The following MTHFD2L variants were observed in gnomAD, a reference collection of about 807,000 sequenced individuals.
The protein encoded by MTHFD2L is methylenetetrahydrofolate dehydrogenase (NADP+ dependent) 2 like, also known as bifunctional methylenetetrahydrofolate dehydrogenase/cyclohydrolase 2, mitochondrial.
In MTHFD2L, 29 loss-of-function variants were observed where a neutral mutation model predicts 34.9. The observed-to-expected ratio is 0.83, with a 90% CI of 0.62 to 1.13. The LOEUF is 1.13. Ranked by LOEUF, MTHFD2L falls within the 50% of genes most tolerant of loss-of-function variation. The probability of loss-of-function intolerance (pLI) is 0.00; values close to 1 mark genes in which losing one functional copy is unlikely to be tolerated. For synonymous variants in MTHFD2L, 167 were observed against 155.7 expected, an observed-to-expected ratio of 1.07 and a Z score of -0.54; for missense variants, 481 against 446.5, an observed-to-expected ratio of 1.08 and a Z score of -0.70.
intron 5 of MTHFD2L, among the ~76,000 whole-genome samples, chr4:74,202,324 C>T (rs1734581952): frequency 6.6e-6 from 1 of 152,154 alleles, no homozygotes; most frequent in Non-Finnish European, 1.5e-5. Flanking sequence ...TCTCCACATT[C>T]CTTTATTTCT....
At chr4:74,152,175 T>G (rs967918244) in intron 1 of MTHFD2L, among the ~76,000 whole-genome samples, 1 of 152,070 alleles carries the variant, frequency 6.6e-6, no homozygotes, top group Non-Finnish European at 1.5e-5. Flanking sequence ...AGTTTTCTTT[T>G]TTTGTATTCT....
chr4:74,116,419 T>C (rs745921907), intron 2 of MTHFD2L, among the ~76,000 whole-genome samples: 5 of 152,030 alleles, frequency 3.3e-5, no homozygotes, highest in Non-Finnish European at 5.9e-5. Flanking sequence ...AGGAGAACTG[T>C]AAAGAAATAA....
chr4:74,145,919 C>A (rs1471890963), intron 1 of MTHFD2L, among the ~76,000 whole-genome samples: 1 of 152,166 alleles, frequency 6.6e-6, no homozygotes, highest in Non-Finnish European at 1.5e-5. Flanking sequence ...GAAGTCGAAG[C>A]TGCTATGCTC....
intron 6 of MTHFD2L, among the ~76,000 whole-genome samples, chr4:74,243,900 G>A (rs992303798): frequency 2.0e-5 from 3 of 152,128 alleles, no homozygotes; most frequent in Non-Finnish European, 2.9e-5. Flanking sequence ...AAACACTGTT[G>A]TTTTTATGCT....
intron 7 of MTHFD2L, among the ~76,000 whole-genome samples, chr4:74,288,967 A>G (rs1273127874): frequency 6.6e-6 from 1 of 151,990 alleles, no homozygotes; most frequent in Admixed American, 6.6e-5. Context: ...TCTCTTGATT[A>G]TTACTGTTTT....
At chr4:74,248,548 T>C in intron 6 of MTHFD2L, among the ~76,000 whole-genome samples, 1 of 148,178 alleles carries the variant, frequency 6.7e-6, no homozygotes, top group East Asian at 2.0e-4. Context: ...GCTCTTGCTT[T>C]TCTAGTTCTT....
intron 3 of MTHFD2L, among the ~76,000 whole-genome samples, chr4:74,180,343 TAAAC>T (rs1470716266): frequency 6.6e-6 from 1 of 152,052 alleles, no homozygotes; most frequent in Admixed American, 6.6e-5. Context: ...ATGAACAAAT[TAAAC>T]AATAAGCAAA....
intron 3 of MTHFD2L, among the ~76,000 whole-genome samples, chr4:74,185,106 T>G (rs1730911386): frequency 8.2e-6 from 1 of 122,178 alleles, no homozygotes; most frequent in Admixed American, 1.1e-4. Context: ...GAGCCGAGAT[T>G]AAGCCACTGC....
At chr4:74,155,726 T>C (rs1437155949), upstream of MTHFD2L, among the ~76,000 whole-genome samples, 1 of 152,104 alleles carries the variant, frequency 6.6e-6, no homozygotes, top group Non-Finnish European at 1.5e-5. Context: ...AATAGAATCT[T>C]TGTTGATAAA....
At chr4:74,187,562 A>G (rs906512569) in intron 3 of MTHFD2L, among the ~76,000 whole-genome samples, 1 of 152,172 alleles carries the variant, frequency 6.6e-6, no homozygotes, top group Non-Finnish European at 1.5e-5. Context: ...TATTAACAAG[A>G]TACTACTGCA....
At chr4:74,234,607 T>C (rs1740568870) in intron 6 of MTHFD2L, among the ~76,000 whole-genome samples, 1 of 152,080 alleles carries the variant, frequency 6.6e-6, no homozygotes, top group Non-Finnish European at 1.5e-5. Flanking sequence ...TTGCCACTGG[T>C]ACATATTAAG....
chr4:74,200,278 C>G (rs1734203092), intron 4 of MTHFD2L, among the ~76,000 whole-genome samples: 1 of 152,062 alleles, frequency 6.6e-6, no homozygotes, highest in South Asian at 2.1e-4. Flanking sequence ...TGCCACTGCA[C>G]TTCAGCCTGG....
chr4:74,205,674 A>G (rs1278910211), intron 5 of MTHFD2L, among the ~76,000 whole-genome samples: 2 of 152,176 alleles, frequency 1.3e-5, no homozygotes, highest in African/African-American at 4.8e-5. Context: ...CTGACACTCA[A>G]TACAACAAGG....
At chr4:74,164,697 C>G (rs1726277568) in intron 1 of MTHFD2L, among the ~76,000 whole-genome samples, 1 of 152,202 alleles carries the variant, frequency 6.6e-6, no homozygotes, top group South Asian at 2.1e-4. Context: ...AGCTAAGTGA[C>G]TTGCCTAACT....
intron 3 of MTHFD2L, among the ~76,000 whole-genome samples, chr4:74,177,421 T>A (rs1191260957): frequency 1.3e-5 from 2 of 151,952 alleles, no homozygotes; most frequent in Admixed American, 6.6e-5. Context: ...ACAACATTAA[T>A]TCTTAAAATG....
intron 1 of MTHFD2L, among the ~76,000 whole-genome samples, chr4:74,149,084 C>T (rs1370843469): frequency 6.6e-6 from 1 of 151,812 alleles, no homozygotes; most frequent in Non-Finnish European, 1.5e-5. Flanking sequence ...AGTTCCAGGT[C>T]CTGCAAGGAA....
chr4:74,252,874 T>A (rs1743508845), intron 6 of MTHFD2L, among the ~76,000 whole-genome samples: 2 of 152,068 alleles, frequency 1.3e-5, no homozygotes, highest in African/African-American at 4.8e-5. Context: ...GTCCTGAGTT[T>A]AAAAAATTTA....
intron 1 of MTHFD2L, among the ~76,000 whole-genome samples, chr4:74,147,154 CTCTG>C (rs1323509647): frequency 6.6e-6 from 1 of 152,114 alleles, no homozygotes; most frequent in Admixed American, 6.6e-5. Flanking sequence ...TTCCAGTCTT[CTCTG>C]TCTGATTTCT....
intron 5 of MTHFD2L, among the ~76,000 whole-genome samples, chr4:74,216,933 A>G (rs2110098563): frequency 6.6e-6 from 1 of 151,854 alleles, no homozygotes; most frequent in East Asian, 1.9e-4. Flanking sequence ...TTTCCACATC[A>G]TAGGTCTTGA....
Sources: gnomAD v4.1 joint callset for allele counts (sites outside exome capture counted in the v4.1 genomes callset) on GRCh38, gnomAD v4.1.1 for gene constraint, MANE v1.5 for transcripts, NCBI Gene and HGNC (gene_info 2026-07-23, HGNC 2026-07-21) for gene names.